The following ADGRL2 variants were observed in gnomAD, a reference collection of about 807,000 sequenced individuals.
ADGRL2 encodes the protein adhesion G protein-coupled receptor L2.
A neutral mutation model predicts 157.4 loss-of-function variants in ADGRL2; 44 were observed. The ratio of observed to expected loss-of-function variants is 0.28; its 90% CI spans 0.22 to 0.36. ADGRL2 has a LOEUF of 0.36. ADGRL2 is among the 10% of genes least tolerant of loss of function. The pLI is 1.00. For missense variants in ADGRL2, 1,510 were observed against 1,768.9 expected (o/e 0.85, Z 2.63); for synonymous variants, 585 against 624.7 (o/e 0.94, Z 0.95).
At chr1:81,731,808 C>T (rs369240756) in intron 1 of ADGRL2, among the ~76,000 whole-genome samples, 3 of 152,096 alleles carry the variant, frequency 2.0e-5, no homozygotes, top group Admixed American at 2.0e-4. Flanking sequence ...CATTAATTTA[C>T]CCATTAAAGA....
intron 21 of ADGRL2, 169 bp downstream of exon 21, chr1:81,985,524 G>A: frequency 2.3e-6 from 1 of 437,248 alleles, no homozygotes; most frequent in Non-Finnish European, 4.1e-6. Context: ...TATTATCCTA[G>A]GGAGTACAGA....
chr1:81,356,855 A>G (rs1663332259), intron 1 of ADGRL2, among the ~76,000 whole-genome samples: 1 of 149,236 alleles, frequency 6.7e-6, no homozygotes. Context: ...CGGGAGGCTG[A>G]GGCAGGAGAA....
At chr1:81,668,315 C>T (rs971429256) in intron 3 of ADGRL2, among the ~76,000 whole-genome samples, 4 of 151,794 alleles carry the variant, frequency 2.6e-5, no homozygotes, top group Admixed American at 2.0e-4. Context: ...ATCCCAGCTA[C>T]TCAGGAGGCT....
chr1:81,533,126 C>A (rs1357173709), intron 2 of ADGRL2, among the ~76,000 whole-genome samples: 1 of 152,056 alleles, frequency 6.6e-6, no homozygotes, highest in Non-Finnish European at 1.5e-5. Context: ...CACCTGTAAT[C>A]CCAGAACTTT....
intron 1 of ADGRL2, among the ~76,000 whole-genome samples, chr1:81,400,783 G>A (rs146610771): frequency 3.2e-4 from 48 of 152,184 alleles, no homozygotes; most frequent in African/African-American, 1.1e-3. Flanking sequence ...CTAGAAAGAA[G>A]GGTATCTCAG....
chr1:81,893,564 C>A (rs1366796229), intron 2 of ADGRL2, among the ~76,000 whole-genome samples: 1 of 152,140 alleles, frequency 6.6e-6, no homozygotes. Context: ...GAAGTTGGAA[C>A]TGCTCTGTTT....
chr1:81,634,140 G>A (rs1264134681), intron 3 of ADGRL2, among the ~76,000 whole-genome samples: 1 of 152,192 alleles, frequency 6.6e-6, no homozygotes, highest in Non-Finnish European at 1.5e-5. Context: ...CAAGGCAAGA[G>A]AATGTTTCAA....
chr1:81,860,998 G>A (rs1443764524), intron 2 of ADGRL2, among the ~76,000 whole-genome samples: 3 of 146,568 alleles, frequency 2.0e-5, no homozygotes, highest in African/African-American at 7.5e-5. Context: ...TTTAGGATAT[G>A]TACATATTTC....
chr1:81,409,494 C>T (rs184869805), intron 1 of ADGRL2, among the ~76,000 whole-genome samples: 1 of 152,270 alleles, frequency 6.6e-6, no homozygotes, highest in Non-Finnish European at 1.5e-5. Context: ...GGCTATGAAA[C>T]ATGAATTTGG....
intron 3 of ADGRL2, among the ~76,000 whole-genome samples, chr1:81,589,604 AT>A (rs1186860851): frequency 6.6e-6 from 1 of 152,186 alleles, no homozygotes; most frequent in Non-Finnish European, 1.5e-5. Context: ...TAATTTGTGT[AT>A]GGTCTAGATT....
At chr1:81,307,556 A>G (rs1659430011) in intron 1 of ADGRL2, among the ~76,000 whole-genome samples, 1 of 152,168 alleles carries the variant, frequency 6.6e-6, no homozygotes, top group South Asian at 2.1e-4. Flanking sequence ...TGCATTTATT[A>G]CCTTATTTTT....
At chr1:81,569,283 A>G (rs1570530131) in intron 2 of ADGRL2, among the ~76,000 whole-genome samples, 1 of 152,218 alleles carries the variant, frequency 6.6e-6, no homozygotes, top group Non-Finnish European at 1.5e-5. Flanking sequence ...GAGACAATTA[A>G]GTTACATGAT....
chr1:81,943,714 C>A lies in ADGRL2; in HGVS notation c.1155C>A (p.Asn385Lys). 1 of 1,613,540 alleles carries A rather than the reference C, an allele frequency of 6.2e-7. No individual in the cohort carries two copies. Among genetic ancestry groups the A allele is most frequent in the Non-Finnish European group, 8.5e-7 (1 of 1,179,598 alleles). ...GAGATAACCAACTTTACGTGTGGAA[C>A]AATAACTTCATTTTACGATATTCTC... ...NPRDNQLYVW[N>K]NNFILRYSLE... Residue 385 changes from asparagine (N) to lysine (K), a missense_variant, in exon 6 of 24, where the codon AAC becomes AAA. This residue lies in a region of ADGRL2 where 361 missense variants were observed against 498.4 expected (regional missense o/e 0.72). Transcript: ENST00000686636. The surrounding 1 kb of genome is among the most constrained non-coding windows in gnomAD (Gnocchi z 5.6).
At chr1:81,381,636 C>A (rs887308585) in intron 1 of ADGRL2, among the ~76,000 whole-genome samples, 1 of 152,070 alleles carries the variant, frequency 6.6e-6, no homozygotes, top group Admixed American at 6.6e-5. Context: ...AGAGTGTCTG[C>A]AGAAATTTTG....
At chr1:81,521,628 A>G (rs1458764868) in intron 2 of ADGRL2, among the ~76,000 whole-genome samples, 2 of 152,214 alleles carry the variant, frequency 1.3e-5, no homozygotes, top group Non-Finnish European at 2.9e-5. Context: ...GATTTTATGT[A>G]GAAGAAAAAT....
At chr1:81,820,857 A>G (rs1377125017) in intron 1 of ADGRL2, among the ~76,000 whole-genome samples, 1 of 152,128 alleles carries the variant, frequency 6.6e-6, no homozygotes, top group Non-Finnish European at 1.5e-5. Context: ...TGAAATAACC[A>G]CACAGAAAAC....
At chr1:81,645,410 A>T (rs1485297144) in intron 3 of ADGRL2, among the ~76,000 whole-genome samples, 1 of 151,562 alleles carries the variant, frequency 6.6e-6, no homozygotes, top group Non-Finnish European at 1.5e-5. Flanking sequence ...AAAAAAAAAA[A>T]AAAAAAAAAT....
chr1:81,598,928 A>G (rs2081287616), intron 3 of ADGRL2, among the ~76,000 whole-genome samples: 1 of 152,224 alleles, frequency 6.6e-6, no homozygotes, highest in Non-Finnish European at 1.5e-5. Context: ...TTCATGGTAC[A>G]CAATACCTAA....
chr1:81,458,379 G>A (rs2077851419), intron 2 of ADGRL2, among the ~76,000 whole-genome samples: 2 of 152,238 alleles, frequency 1.3e-5, no homozygotes, highest in South Asian at 4.1e-4. Context: ...ATGAGCAACT[G>A]TTGTGGCTTT....
Sources: allele counts gnomAD v4.1 joint callset (sites outside exome capture counted in the v4.1 genomes callset), GRCh38; gene constraint gnomAD v4.1.1; regional missense constraint gnomAD v4.1.1; non-coding constraint Gnocchi (gnomAD v3.1); transcripts MANE v1.5; gene names NCBI Gene and HGNC (gene_info 2026-07-23, HGNC 2026-07-21).